Variants in TRAK1 observed in about 807,000 individuals in gnomAD.
TRAK1 encodes the protein trafficking kinesin-binding protein 1.
In TRAK1, 33 loss-of-function variants were observed where a neutral mutation model predicts 92.1. That is an observed-to-expected ratio of 0.36 (90% CI 0.27 to 0.48). The LOEUF (loss-of-function observed/expected upper bound fraction) is 0.48. Ranked by LOEUF, TRAK1 falls within the 20% of genes least tolerant of loss-of-function variation. The pLI is 0.99. For synonymous variants in TRAK1, 521 were observed against 517.3 expected, an observed-to-expected ratio of 1.01 and a Z score of -0.10; for missense variants, 1,123 against 1,257.9, an observed-to-expected ratio of 0.89 and a Z score of 1.62.
At chr3:42,086,311 C>CTTTCTTTTTTTTTT (rs1553711095), upstream of TRAK1, among the ~76,000 whole-genome samples, 1 of 140,478 alleles carries the variant, frequency 7.1e-6, no homozygotes. Context: ...CTTTTTCTTT[C>CTTTCTTTTTTTTTT]TTTTTTTTTT....
intron 1 of TRAK1, among the ~76,000 whole-genome samples, chr3:42,095,904 A>G (rs1705849181): frequency 1.3e-5 from 2 of 152,246 alleles, no homozygotes; most frequent in South Asian, 4.1e-4. Context: ...TAGTGGCCTT[A>G]TAAAAGAGGT....
intron 2 of TRAK1, chr3:42,146,410 T>C (rs2149243076): frequency 4.8e-6 from 1 of 209,726 alleles, no homozygotes; most frequent in Middle Eastern, 2.4e-3. Flanking sequence ...TGTATGTTTT[T>C]TAATGCCTTT....
In TRAK1 at chr3:42,195,042, G is replaced by A. The variant is rs1009297143; in HGVS notation, c.1113+101G>A. The A allele has an allele frequency of 8.4e-6, 12 of 1,427,552 alleles. No individual in the cohort carries two copies. In the African/African-American group the frequency reaches 9.9e-5, roughly 12 times the overall value. 88.4% of individuals were successfully genotyped at this position (1,427,552 alleles called of 1,614,324 possible). A position where few individuals can be genotyped will look rare whatever the true frequency, so the allele number is the denominator to read the frequency against. ...CACTGGAGTTGGGTGTTCACAGTTCGCTTCTCGTTGTACAGTTCAGATCTG... is the reference window on the plus strand; with the variant it reads ...CACTGGAGTTGGGTGTTCACAGTTCACTTCTCGTTGTACAGTTCAGATCTG... On this transcript the variant is annotated intron_variant, in intron 10 of 15. Coordinates refer to ENST00000327628, the MANE Select transcript of TRAK1 (RefSeq NM_001042646.3).
At chr3:42,119,624 C>T (rs2149112180) in intron 1 of TRAK1, among the ~76,000 whole-genome samples, 2 of 152,260 alleles carry the variant, frequency 1.3e-5, no homozygotes, top group Non-Finnish European at 2.9e-5. Context: ...TGGGCATTGC[C>T]TTTACTAATT....
chr3:42,133,347 C>A (rs543569835), intron 2 of TRAK1, among the ~76,000 whole-genome samples: 1 of 152,188 alleles, frequency 6.6e-6, no homozygotes, highest in Non-Finnish European at 1.5e-5. Context: ...GCCGCTCCCT[C>A]GCTACCCCTC....
chr3:42,175,640 C>T (rs1302557451), intron 2 of TRAK1, among the ~76,000 whole-genome samples: 1 of 152,194 alleles, frequency 6.6e-6, no homozygotes, highest in Non-Finnish European at 1.5e-5. Flanking sequence ...GATCCGATTT[C>T]TCTGAGCTAA....
chr3:42,022,184 G>A (rs567952934), intron 1 of TRAK1, among the ~76,000 whole-genome samples: 1 of 152,256 alleles, frequency 6.6e-6, no homozygotes, highest in East Asian at 1.9e-4. Context: ...TGGTCCCAAG[G>A]CATTAGAAGA....
At chr3:42,023,831 G>T (rs1229293689) in intron 1 of TRAK1, among the ~76,000 whole-genome samples, 1 of 135,480 alleles carries the variant, frequency 7.4e-6, no homozygotes, top group Admixed American at 8.8e-5. Flanking sequence ...TTGGCTCACT[G>T]CAGCCTCCGT....
chr3:42,112,825 T>C (rs1460647033), intron 1 of TRAK1, among the ~76,000 whole-genome samples: 1 of 151,868 alleles, frequency 6.6e-6, no homozygotes, highest in African/African-American at 2.4e-5. Flanking sequence ...GGCTGGAGTG[T>C]AGTGGCATGG....
chr3:42,030,563 T>C (rs7373500), intron 1 of TRAK1, among the ~76,000 whole-genome samples: 130,645 of 147,670 alleles, frequency 0.88, 59,811 homozygotes, highest in Non-Finnish European at 1. Context: ...ATCCCAGCTA[T>C]TTGGGAGACT....
upstream of TRAK1, among the ~76,000 whole-genome samples, chr3:42,083,748 G>A (rs746985606): frequency 1.3e-5 from 2 of 152,054 alleles, no homozygotes; most frequent in African/African-American, 2.4e-5. Context: ...GGTGGTGTGC[G>A]CCTGTAGTCT....
chr3:42,145,020 G>T (rs185720739), intron 2 of TRAK1, among the ~76,000 whole-genome samples: 2 of 152,218 alleles, frequency 1.3e-5, no homozygotes, highest in East Asian at 3.9e-4. Context: ...AATTATACAA[G>T]TAATACATGC....
intron 1 of TRAK1, among the ~76,000 whole-genome samples, chr3:42,031,033 ATTTT>A (rs569209653): frequency 5.3e-4 from 51 of 95,404 alleles, no homozygotes; most frequent in African/African-American, 1.7e-3. Flanking sequence ...AGCTATTTGA[ATTTT>A]TTTTTTTTTT....
chr3:42,113,361 CGCCT>C (rs1708724676), intron 1 of TRAK1, among the ~76,000 whole-genome samples: 1 of 144,560 alleles, frequency 6.9e-6, no homozygotes, highest in African/African-American at 2.6e-5. Flanking sequence ...CCTACGCCTA[CGCCT>C]ACGCCTACCC....
intron 1 of TRAK1, among the ~76,000 whole-genome samples, chr3:42,019,164 G>A (rs1370291624): frequency 6.6e-6 from 1 of 152,104 alleles, no homozygotes; most frequent in African/African-American, 2.4e-5. Context: ...TAGGGATATA[G>A]GATCTCACTT....
intron 4 of TRAK1, among the ~76,000 whole-genome samples, chr3:42,187,307 A>G (rs1358113721): frequency 6.6e-6 from 1 of 152,218 alleles, no homozygotes; most frequent in Non-Finnish European, 1.5e-5. Context: ...CAGAGCTGGC[A>G]TCTCCAGGAC....
intron 1 of TRAK1, among the ~76,000 whole-genome samples, chr3:42,095,051 A>G (rs910785785): frequency 3.3e-5 from 5 of 152,256 alleles, no homozygotes; most frequent in Non-Finnish European, 7.3e-5. Flanking sequence ...CATCTCACCC[A>G]GAAACACTAC....
chr3:42,210,123 G>A, intron 14 of TRAK1, 138 bp downstream of exon 14: 1 of 1,608,464 alleles, frequency 6.2e-7, no homozygotes, highest in Non-Finnish European at 8.5e-7. Flanking sequence ...GGAGGGGTCT[G>A]GTGAGGGCAC....
chr3:42,160,560 TTTGTTTTTG>T, intron 2 of TRAK1: 3 of 1,353,264 alleles, frequency 2.2e-6, no homozygotes, highest in Non-Finnish European at 2.0e-6. Context: ...ATAGCACTGT[TTTGTTTTTG>T]TTTTTTTTTA....
Sources: allele counts gnomAD v4.1 joint callset (sites outside exome capture counted in the v4.1 genomes callset), GRCh38; gene constraint gnomAD v4.1.1; transcripts MANE v1.5; gene names NCBI Gene and HGNC (gene_info 2026-07-23, HGNC 2026-07-21).